ARID2: variants seen among roughly 807,000 people sequenced by gnomAD.
ARID2 encodes AT-rich interaction domain 2.
Under a neutral mutation model 184.6 loss-of-function variants are expected in ARID2, and 32 were observed. The ratio of observed to expected loss-of-function variants is 0.17; its 90% CI spans 0.13 to 0.23. The LOEUF (loss-of-function observed/expected upper bound fraction) is 0.23, where lower values mean the gene tolerates loss of function less well. Among genes scored for constraint, ARID2 ranks in the 10% least tolerant of loss-of-function variants. ARID2 has a pLI of 1.00. For missense variants in ARID2, 1,696 were observed against 2,197.6 expected (o/e 0.77, Z 4.56); for synonymous variants, 836 against 772.6 (o/e 1.08, Z -1.36).
intron 3 of ARID2, among the ~76,000 whole-genome samples, chr12:45,755,237 T>TA (rs1941544623): frequency 6.6e-6 from 1 of 152,164 alleles, no homozygotes; most frequent in Non-Finnish European, 1.5e-5. Flanking sequence ...TTGTAGTTGT[T>TA]ATTTGTTTGT....
At chr12:45,825,718 G>C (rs889279122) in intron 6 of ARID2, among the ~76,000 whole-genome samples, 4 of 152,084 alleles carry the variant, frequency 2.6e-5, no homozygotes, top group African/African-American at 9.7e-5. Context: ...AAAATAATTA[G>C]TTGGGCATCG....
chr12:45,899,322 A>G (rs955123136), intron 20 of ARID2, among the ~76,000 whole-genome samples: 2 of 146,622 alleles, frequency 1.4e-5, no homozygotes, highest in Non-Finnish European at 1.5e-5. Flanking sequence ...AGTTATAACC[A>G]GGCTGGGCGT....
At chr12:45,869,937 G>T (rs1943895368) in intron 16 of ARID2, among the ~76,000 whole-genome samples, 2 of 152,038 alleles carry the variant, frequency 1.3e-5, no homozygotes, top group South Asian at 4.1e-4. Flanking sequence ...CAGCACAATT[G>T]CACAATAGTG....
At chr12:45,769,669 T>A (rs1417002843) in intron 3 of ARID2, among the ~76,000 whole-genome samples, 1 of 152,214 alleles carries the variant, frequency 6.6e-6, no homozygotes, top group Non-Finnish European at 1.5e-5. Context: ...ACAAGTTTAT[T>A]GAAAAACATT....
intron 3 of ARID2, among the ~76,000 whole-genome samples, chr12:45,739,121 A>G (rs1277840052): frequency 6.6e-6 from 1 of 151,902 alleles, no homozygotes; most frequent in Non-Finnish European, 1.5e-5. Flanking sequence ...GGTGCCCGCC[A>G]CCATGCCCAG....
intron 3 of ARID2, among the ~76,000 whole-genome samples, chr12:45,735,724 G>A (rs1363047796): frequency 6.6e-6 from 1 of 152,162 alleles, no homozygotes; most frequent in African/African-American, 2.4e-5. Context: ...GCAGAAAGTG[G>A]AGAAAGTTGA....
intron 18 of ARID2, 104 bp downstream of exon 18, chr12:45,892,200 G>A (rs1944310429): frequency 1.8e-6 from 2 of 1,121,890 alleles, no homozygotes; most frequent in South Asian, 3.2e-5. Context: ...AGAAACCTGG[G>A]TTCTAGTCCA....
intron 20 of ARID2, among the ~76,000 whole-genome samples, chr12:45,903,922 T>G (rs1944489428): frequency 6.6e-6 from 1 of 152,160 alleles, no homozygotes; most frequent in African/African-American, 2.4e-5. Flanking sequence ...AATGAAATTT[T>G]TTATACCTGC....
chr12:45,879,622 G>C (rs1190816164), intron 16 of ARID2, among the ~76,000 whole-genome samples: 1 of 152,192 alleles, frequency 6.6e-6, no homozygotes, highest in Non-Finnish European at 1.5e-5. Context: ...TGTGACCTCA[G>C]TTCTCTGACA....
chr12:45,829,106 G>T (rs932872737), intron 6 of ARID2, among the ~76,000 whole-genome samples: 13 of 151,868 alleles, frequency 8.6e-5, no homozygotes, highest in East Asian at 3.9e-4. Context: ...TAAAGATTTG[G>T]TTTTTTTCCC....
chr12:45,838,873 T>C lies in ARID2; in HGVS notation c.1331-456T>C, dbSNP rs59574818. On this transcript the variant is annotated intron_variant, in intron 10 of 20. Coordinates refer to ENST00000334344, the MANE Select transcript of ARID2 (RefSeq NM_152641.4). ...ATTGAGCCTAAAAATGTTTTGTTTT[T>C]TTTTTTTTTTGAGACAGAATCTCAC... 7.1e-4 allele frequency among the ~76,000 whole-genome samples: 108 copies of C among 151,464 alleles called. No individual in the cohort carries two copies. The Middle Eastern group carries it at 0.017, about 24-fold the overall frequency.
At chr12:45,889,337 T>A (rs1329624071) in intron 16 of ARID2, among the ~76,000 whole-genome samples, 1 of 152,232 alleles carries the variant, frequency 6.6e-6, no homozygotes, top group Non-Finnish European at 1.5e-5. Context: ...CATTTTAGTA[T>A]ACTTGGCTAT....
chr12:45,781,157 A>T (rs915954857), intron 3 of ARID2, among the ~76,000 whole-genome samples: 9 of 150,822 alleles, frequency 6.0e-5, no homozygotes, highest in African/African-American at 2.2e-4. Context: ...ATTATCTTAA[A>T]GTTTCTGTGA....
intron 16 of ARID2, among the ~76,000 whole-genome samples, chr12:45,873,427 CTG>C: frequency 1.3e-5 from 2 of 152,292 alleles, no homozygotes; most frequent in East Asian, 3.9e-4. Context: ...TCTGCCTTCT[CTG>C]ATGTTAGCTG....
At chr12:45,846,092 A>G (rs1405822020) in intron 11 of ARID2, 2 of 152,176 alleles carry the variant, frequency 1.3e-5, no homozygotes, top group African/African-American at 4.8e-5. Context: ...TCATTTATTC[A>G]TTGACCTTGA....
At chr12:45,748,289 G>T (rs1941396334) in intron 3 of ARID2, among the ~76,000 whole-genome samples, 1 of 152,176 alleles carries the variant, frequency 6.6e-6, no homozygotes, top group South Asian at 2.1e-4. Context: ...TACTTGGGAG[G>T]CTGAGGTGGA....
chr12:45,731,488 T>C (rs1404546042), intron 3 of ARID2, among the ~76,000 whole-genome samples, 174 bp downstream of exon 3: 2 of 152,212 alleles, frequency 1.3e-5, no homozygotes, highest in African/African-American at 4.8e-5. Context: ...GGTGAAAGTC[T>C]TCCTCACCAA....
At chr12:45,904,789 T>G (rs1156950754) in intron 20 of ARID2, 145 bp from the exon 21 acceptor site, 1 of 663,826 alleles carries the variant, frequency 1.5e-6, no homozygotes, top group Non-Finnish European at 2.3e-6. Flanking sequence ...GATGCTTCCC[T>G]CTCTTCCTGC....
intron 3 of ARID2, among the ~76,000 whole-genome samples, chr12:45,780,551 A>G (rs1356683480): frequency 1.3e-5 from 2 of 152,120 alleles, no homozygotes; most frequent in East Asian, 1.9e-4. Context: ...GGAAGAAGGA[A>G]TTGCTTTTTT....
Sources: gnomAD v4.1 joint callset for allele counts (sites outside exome capture counted in the v4.1 genomes callset) on GRCh38, gnomAD v4.1.1 for gene constraint, MANE v1.5 for transcripts, NCBI Gene and HGNC (gene_info 2026-07-23, HGNC 2026-07-21) for gene names.